GPC6: variants seen among roughly 807,000 people sequenced by gnomAD.
GPC6 encodes glypican 6.
GPC6 carries 14 observed loss-of-function variants against 55.2 expected under a neutral mutation model. The ratio of observed to expected loss-of-function variants is 0.25; its 90% CI spans 0.17 to 0.40. The LOEUF (loss-of-function observed/expected upper bound fraction) is 0.40, where lower values mean the gene tolerates loss of function less well. Ranked by LOEUF, GPC6 falls within the 10% of genes least tolerant of loss-of-function variation. The probability of loss-of-function intolerance (pLI) is 1.00; values close to 1 mark genes in which losing one functional copy is unlikely to be tolerated. For synonymous variants in GPC6, 278 were observed against 259.6 expected, an observed-to-expected ratio of 1.07 and a Z score of -0.68; for missense variants, 641 against 708.5, an observed-to-expected ratio of 0.90 and a Z score of 1.08.
intron 4 of GPC6, among the ~76,000 whole-genome samples, chr13:94,113,595 A>T (rs77255601): frequency 6.6e-6 from 1 of 152,166 alleles, no homozygotes; most frequent in Non-Finnish European, 1.5e-5. Context: ...AACAAACTGC[A>T]GCTTTAGCTA....
At chr13:93,459,432 T>C (rs2813631) in intron 1 of GPC6, among the ~76,000 whole-genome samples, 26,405 of 152,188 alleles carry the variant, frequency 0.17, 2,845 homozygotes, top group East Asian at 0.47. Context: ...GACAAAAGCA[T>C]TTTTTCTGCT....
intron 1 of GPC6, among the ~76,000 whole-genome samples, chr13:93,353,062 G>A (rs78148857): frequency 0.026 from 4,002 of 152,206 alleles, 167 homozygotes; most frequent in African/African-American, 0.09. Context: ...GATATTGCAT[G>A]TACTTCTTTA....
intron 1 of GPC6, among the ~76,000 whole-genome samples, chr13:93,332,261 CTTTTTTT>C (rs202196621): frequency 7.7e-6 from 1 of 129,950 alleles, no homozygotes. Context: ...TTCTGTTTTT[CTTTTTTT>C]TTTTTTTTTG....
chr13:93,604,371 A>G (rs1231906487), intron 2 of GPC6, among the ~76,000 whole-genome samples: 1 of 152,140 alleles, frequency 6.6e-6, no homozygotes, highest in African/African-American at 2.4e-5. Flanking sequence ...TGGGATGGGA[A>G]TTCGATGAGG....
At chr13:94,393,394 A>T (rs988755817) in intron 7 of GPC6, among the ~76,000 whole-genome samples, 1 of 152,202 alleles carries the variant, frequency 6.6e-6, no homozygotes, top group African/African-American at 2.4e-5. Context: ...GATTGAAGGA[A>T]AAAATGGGGG....
At chr13:93,666,279 C>T (rs776387875) in intron 2 of GPC6, among the ~76,000 whole-genome samples, 2 of 151,858 alleles carry the variant, frequency 1.3e-5, no homozygotes, top group African/African-American at 4.8e-5. Flanking sequence ...CCAATGAATA[C>T]ATATCTTTTC....
intron 2 of GPC6, among the ~76,000 whole-genome samples, chr13:93,591,997 G>A (rs2139509416): frequency 6.6e-6 from 1 of 152,184 alleles, no homozygotes; most frequent in East Asian, 1.9e-4. Context: ...AACATCAAAA[G>A]TTAAATATAA....
chr13:93,412,906 A>T (rs937310604), intron 1 of GPC6, among the ~76,000 whole-genome samples: 25 of 152,186 alleles, frequency 1.6e-4, no homozygotes, highest in African/African-American at 6.0e-4. Context: ...GCAATGATTA[A>T]CAAACTGTGA....
At chr13:93,395,150 CT>C (rs1362735028) in intron 1 of GPC6, 1 of 272,380 alleles carries the variant, frequency 3.7e-6, no homozygotes, top group Non-Finnish European at 7.2e-6. Flanking sequence ...ATACTCACTA[CT>C]ACCATATCCA....
intron 1 of GPC6, among the ~76,000 whole-genome samples, chr13:93,496,257 A>G (rs1407808115): frequency 1.1e-4 from 16 of 152,190 alleles, no homozygotes; most frequent in Admixed American, 1.0e-3. Context: ...TCTGAAAAGC[A>G]CAATATTCGG....
At chr13:94,330,493 G>A (rs1047557375) in intron 6 of GPC6, among the ~76,000 whole-genome samples, 5 of 152,114 alleles carry the variant, frequency 3.3e-5, no homozygotes, top group Non-Finnish European at 5.9e-5. Context: ...ATGTCCTTGG[G>A]GTGCAGCCAA....
At chr13:94,299,007 G>A (rs1048431378) in intron 5 of GPC6, among the ~76,000 whole-genome samples, 1 of 152,070 alleles carries the variant, frequency 6.6e-6, no homozygotes, top group African/African-American at 2.4e-5. Flanking sequence ...TTTGCAAAAG[G>A]GGACGATTAT....
At chr13:93,621,911 C>G (rs1878967872) in intron 2 of GPC6, among the ~76,000 whole-genome samples, 1 of 152,092 alleles carries the variant, frequency 6.6e-6, no homozygotes, top group South Asian at 2.1e-4. Flanking sequence ...ATATGCAATA[C>G]ACTGTCATTT....
At chr13:93,372,693 A>G (rs1874721864) in intron 1 of GPC6, among the ~76,000 whole-genome samples, 1 of 152,154 alleles carries the variant, frequency 6.6e-6, no homozygotes. Context: ...TTCAACCTTT[A>G]TCCTACAAGG....
intron 1 of GPC6, among the ~76,000 whole-genome samples, chr13:93,529,805 G>A (rs1053552229): frequency 4.6e-5 from 7 of 151,972 alleles, no homozygotes; most frequent in South Asian, 2.1e-4. Flanking sequence ...ATGAGCCACC[G>A]CGCCTGGCTG....
At chr13:93,621,167 G>T (rs139828868) in intron 2 of GPC6, among the ~76,000 whole-genome samples, 1 of 152,120 alleles carries the variant, frequency 6.6e-6, no homozygotes, top group African/African-American at 2.4e-5. Context: ...TTACTCAAGA[G>T]CCAGGTTGCC....
At chr13:94,358,750 T>C (rs940942842) in intron 6 of GPC6, among the ~76,000 whole-genome samples, 1 of 152,180 alleles carries the variant, frequency 6.6e-6, no homozygotes, top group Admixed American at 6.5e-5. Context: ...TTAACCATTT[T>C]TGATCAGGGA....
At chr13:94,267,637 C>G (rs1177657517) in intron 4 of GPC6, among the ~76,000 whole-genome samples, 1 of 152,188 alleles carries the variant, frequency 6.6e-6, no homozygotes, top group Non-Finnish European at 1.5e-5. Context: ...CCACTCGACA[C>G]AGAATTCTTC....
rs368478484 is a variant in GPC6, at chr13:93,529,472, A to G, written c.161-15791A>G. Among the ~76,000 whole-genome samples, 47 of 151,756 alleles carry G rather than the reference A, an allele frequency of 3.1e-4. 1 individual carries two copies. The East Asian group carries it at 6.0e-3, about 19-fold the overall frequency. On this transcript the variant is annotated intron_variant, in intron 1 of 8. Coordinates refer to ENST00000377047, the MANE Select transcript of GPC6 (RefSeq NM_005708.5). ...GTGCTTATCTGTAGAATGCACCTCA[A>G]AACATAGATGCTTCCTTCCATAGTG...
Sources: gnomAD v4.1 joint callset for allele counts (sites outside exome capture counted in the v4.1 genomes callset) on GRCh38, gnomAD v4.1.1 for gene constraint, MANE v1.5 for transcripts, NCBI Gene and HGNC (gene_info 2026-07-23, HGNC 2026-07-21) for gene names.